The following GRM8 variants were observed in gnomAD, a reference collection of about 807,000 sequenced individuals.
The protein encoded by GRM8 is metabotropic glutamate receptor 8.
In GRM8, 47 loss-of-function variants were observed where a neutral mutation model predicts 87.2. The ratio of observed to expected loss-of-function variants is 0.54; its 90% CI spans 0.43 to 0.69. The LOEUF (loss-of-function observed/expected upper bound fraction) is 0.69. Ranked by LOEUF, GRM8 falls within the 30% of genes least tolerant of loss-of-function variation. The pLI is 0.00. For synonymous variants in GRM8, 396 were observed against 404.5 expected, an observed-to-expected ratio of 0.98 and a Z score of 0.25; for missense variants, 1,019 against 1,139.2, an observed-to-expected ratio of 0.89 and a Z score of 1.52.
intron 2 of GRM8, among the ~76,000 whole-genome samples, chr7:127,193,743 T>G (rs939418686): frequency 1.3e-5 from 2 of 152,170 alleles, no homozygotes; most frequent in African/African-American, 4.8e-5. Flanking sequence ...AAAAATACTC[T>G]CACAGTTTAG....
chr7:127,125,228 A>G (rs1426684993), intron 2 of GRM8, among the ~76,000 whole-genome samples: 1 of 152,148 alleles, frequency 6.6e-6, no homozygotes, highest in East Asian at 1.9e-4. Flanking sequence ...AATGTTTTCT[A>G]AACAAACTAT....
intron 7 of GRM8, among the ~76,000 whole-genome samples, chr7:126,636,425 C>T (rs1410281606): frequency 1.3e-5 from 2 of 152,152 alleles, no homozygotes; most frequent in African/African-American, 4.8e-5. Context: ...CTCTAAATTA[C>T]TTATACCTAA....
intron 3 of GRM8, among the ~76,000 whole-genome samples, chr7:126,997,179 A>G (rs1366382616): frequency 4.0e-5 from 6 of 151,858 alleles, no homozygotes; most frequent in Non-Finnish European, 7.4e-5. Flanking sequence ...AAATTGAATC[A>G]TATGCTCCTG....
intron 9 of GRM8, among the ~76,000 whole-genome samples, chr7:126,478,425 A>G (rs866539487): frequency 7.9e-5 from 12 of 152,142 alleles, no homozygotes; most frequent in African/African-American, 2.4e-4. Context: ...GAAATCAACG[A>G]TCACTTCTCT....
chr7:127,120,769 A>G (rs185242778), intron 2 of GRM8, among the ~76,000 whole-genome samples: 43 of 152,340 alleles, frequency 2.8e-4, no homozygotes, highest in African/African-American at 8.2e-4. Context: ...TGCCTTGAAC[A>G]TTATGTTCAC....
intron 2 of GRM8, among the ~76,000 whole-genome samples, chr7:127,114,504 T>A (rs549150218): frequency 6.6e-6 from 1 of 152,134 alleles, no homozygotes; most frequent in Non-Finnish European, 1.5e-5. Flanking sequence ...TTGAATTCCA[T>A]TATGGGCCAG....
At chr7:126,732,172 T>C (rs574379632) in intron 7 of GRM8, among the ~76,000 whole-genome samples, 1 of 152,164 alleles carries the variant, frequency 6.6e-6, no homozygotes, top group African/African-American at 2.4e-5. Context: ...TTTCACCATA[T>C]TAAATGTTTA....
intron 2 of GRM8, among the ~76,000 whole-genome samples, chr7:127,197,853 T>C (rs1795372502): frequency 6.6e-6 from 1 of 152,222 alleles, no homozygotes; most frequent in Admixed American, 6.5e-5. Flanking sequence ...GAAACACTCA[T>C]ACTCTATAAA....
intron 3 of GRM8, among the ~76,000 whole-genome samples, chr7:126,913,551 GC>G (rs762582007): frequency 1.8e-4 from 28 of 152,082 alleles, no homozygotes; most frequent in Admixed American, 1.4e-3. Context: ...ATAGCAATGA[GC>G]AAAACAAAAT....
At chr7:126,636,483 T>A (rs142996173) in intron 7 of GRM8, among the ~76,000 whole-genome samples, 25 of 152,206 alleles carry the variant, frequency 1.6e-4, no homozygotes, top group African/African-American at 5.3e-4. Flanking sequence ...ATTGTATAGG[T>A]AATAATGACA....
intron 8 of GRM8, among the ~76,000 whole-genome samples, chr7:126,599,935 T>A (rs532837539): frequency 6.6e-6 from 1 of 152,058 alleles, no homozygotes; most frequent in Non-Finnish European, 1.5e-5. Flanking sequence ...GGAGGTGCTG[T>A]TTTACAAAAT....
At chr7:126,889,220 C>T (rs1460045224) in intron 6 of GRM8, among the ~76,000 whole-genome samples, 1 of 152,098 alleles carries the variant, frequency 6.6e-6, no homozygotes, top group African/African-American at 2.4e-5. Context: ...ACTCTCACCA[C>T]CAAAATCTAA....
chr7:126,827,430 G>C (rs368731989), intron 6 of GRM8, among the ~76,000 whole-genome samples: 3 of 151,980 alleles, frequency 2.0e-5, no homozygotes, highest in East Asian at 1.9e-4. Context: ...GGTCCTTCAC[G>C]TCCCTTGTAA....
chr7:126,721,961 A>G (rs976092287), intron 7 of GRM8, among the ~76,000 whole-genome samples: 10 of 152,128 alleles, frequency 6.6e-5, no homozygotes, highest in Non-Finnish European at 1.3e-4. Flanking sequence ...GATTTGAAAG[A>G]CAAAGTTGTA....
At chr7:127,203,579 G>A (rs989680677) in intron 2 of GRM8, among the ~76,000 whole-genome samples, 3 of 152,012 alleles carry the variant, frequency 2.0e-5, no homozygotes, top group East Asian at 1.9e-4. Context: ...ATGGTGGTAC[G>A]ACCCTGTAAT....
At chr7:127,173,889 AC>A (rs1793952923) in intron 2 of GRM8, among the ~76,000 whole-genome samples, 1 of 152,124 alleles carries the variant, frequency 6.6e-6, no homozygotes, top group Admixed American at 6.6e-5. Flanking sequence ...TAAAACTTTG[AC>A]CATTTGAGAT....
intron 2 of GRM8, among the ~76,000 whole-genome samples, chr7:127,169,342 A>G (rs1421662541): frequency 6.6e-6 from 1 of 152,224 alleles, no homozygotes; most frequent in Non-Finnish European, 1.5e-5. Context: ...CCTAATCTAC[A>G]GCAAGATCTT....
intron 6 of GRM8, among the ~76,000 whole-genome samples, chr7:126,789,294 A>G (rs1172100514): frequency 2.0e-5 from 3 of 149,106 alleles, no homozygotes; most frequent in African/African-American, 7.8e-5. Context: ...GGAAAGAACA[A>G]CAAAGGCATT....
chr7:126,566,840 T>G (rs181950509), intron 8 of GRM8, among the ~76,000 whole-genome samples: 20 of 152,274 alleles, frequency 1.3e-4, no homozygotes, highest in Admixed American at 8.5e-4. Context: ...TGAAATATTA[T>G]TTATCTTTTT....
Sources: allele counts gnomAD v4.1 joint callset (sites outside exome capture counted in the v4.1 genomes callset), GRCh38; gene constraint gnomAD v4.1.1; transcripts MANE v1.5; gene names NCBI Gene and HGNC (gene_info 2026-07-23, HGNC 2026-07-21).